The following SEC14L5 variants were observed in gnomAD, a reference collection of about 807,000 sequenced individuals.
SEC14L5 encodes the protein SEC14-like protein 5.
Under a neutral mutation model 84.6 loss-of-function variants are expected in SEC14L5, and 96 were observed. That is an observed-to-expected ratio of 1.13 (90% CI 0.96 to 1.34). The LOEUF (loss-of-function observed/expected upper bound fraction) is 1.34, where lower values mean the gene tolerates loss of function less well. SEC14L5 is among the 40% of genes most tolerant of loss of function. The pLI is 0.00. For missense variants in SEC14L5, 1,224 were observed against 942.5 expected, an observed-to-expected ratio of 1.30 and a Z score of -3.91; for synonymous variants, 546 against 383.4, an observed-to-expected ratio of 1.42 and a Z score of -4.95.
chr16:4,980,716 G>A (rs1036108191), intron 2 of SEC14L5, among the ~76,000 whole-genome samples: 2 of 152,130 alleles, frequency 1.3e-5, no homozygotes, highest in Non-Finnish European at 2.9e-5. Context: ...GAAATAAAAT[G>A]GTAAAAGGAA....
At chr16:5,005,601 C>G (rs1328505868) in intron 11 of SEC14L5, among the ~76,000 whole-genome samples, 1 of 152,006 alleles carries the variant, frequency 6.6e-6, no homozygotes, top group Non-Finnish European at 1.5e-5. Flanking sequence ...GTGGCTCACA[C>G]CTGTAATCCC....
chr16:4,994,988 T>C (rs895955147), intron 6 of SEC14L5, among the ~76,000 whole-genome samples: 1 of 152,128 alleles, frequency 6.6e-6, no homozygotes, highest in African/African-American at 2.4e-5. Flanking sequence ...CCTCACTCCC[T>C]CCCTGATTCC....
rs183075433 is a variant in SEC14L5, at chr16:5,015,178, C to T, written c.*208C>T. The T allele has an allele frequency of 1.7e-6, 1 of 573,450 alleles. No homozygotes were observed. The highest frequency in any genetic ancestry group is 1.9e-5 in the African/African-American group (1 of 53,508). 35.5% of individuals were successfully genotyped at this position (573,450 alleles called of 1,614,324 possible). Reference sequence around the variant, plus strand: ...GGCTCTTGAAATTGCAAGGACAGAACCATCTCCTTCCGGCTTCGTGTAAGG... The same window carrying T: ...GGCTCTTGAAATTGCAAGGACAGAATCATCTCCTTCCGGCTTCGTGTAAGG... On this transcript the variant is annotated 3_prime_UTR_variant, in exon 16 of 16. Coordinates refer to ENST00000251170, the MANE Select transcript of SEC14L5 (RefSeq NM_014692.2).
intron 13 of SEC14L5, among the ~76,000 whole-genome samples, 176 bp downstream of exon 13, chr16:5,007,662 G>C (rs1420777150): frequency 6.8e-6 from 1 of 146,552 alleles, no homozygotes; most frequent in Non-Finnish European, 1.5e-5. Context: ...CTGGAGTGCA[G>C]TGGTGCAATC....
chr16:4,998,737 C>CAAAAA (rs60494025), intron 8 of SEC14L5, among the ~76,000 whole-genome samples: 12 of 94,040 alleles, frequency 1.3e-4, no homozygotes, highest in African/African-American at 3.9e-4. Flanking sequence ...GACTCCGTCT[C>CAAAAA]AAAAAAAAAA....
At chr16:4,991,799 G>C in intron 5 of SEC14L5, 39 bp from the exon 6 acceptor site, 1 of 1,463,996 alleles carries the variant, frequency 6.8e-7, no homozygotes, top group Non-Finnish European at 9.3e-7. Context: ...CCTCCATCCT[G>C]CCCCGTGCTC....
chr16:5,005,878 A>AAAAC, intron 11 of SEC14L5, 36 bp from the exon 12 acceptor site: 4 of 1,509,050 alleles, frequency 2.7e-6, no homozygotes, highest in South Asian at 1.3e-5. Context: ...AAAAAAAAAA[A>AAAAC]AAAACCATCC....
At chr16:4,993,094 A>G (rs1955569498) in intron 6 of SEC14L5, among the ~76,000 whole-genome samples, 1 of 152,082 alleles carries the variant, frequency 6.6e-6, no homozygotes, top group Non-Finnish European at 1.5e-5. Flanking sequence ...CCAGCTTGGT[A>G]TGCAGTGGTG....
intron 2 of SEC14L5, among the ~76,000 whole-genome samples, chr16:4,973,313 G>A (rs922060091): frequency 1.3e-5 from 2 of 152,236 alleles, no homozygotes; most frequent in African/African-American, 4.8e-5. Context: ...GTCCCGGGCT[G>A]GCTTTGCTGG....
intron 10 of SEC14L5, among the ~76,000 whole-genome samples, chr16:5,002,977 C>G (rs1955693024): frequency 6.6e-6 from 1 of 152,214 alleles, no homozygotes; most frequent in African/African-American, 2.4e-5. Flanking sequence ...AAATAACTCC[C>G]ACACGCTTAG....
At chr16:4,992,866 A>G (rs1437332579) in intron 6 of SEC14L5, among the ~76,000 whole-genome samples, 1 of 152,234 alleles carries the variant, frequency 6.6e-6, no homozygotes, top group Non-Finnish European at 1.5e-5. Flanking sequence ...ATGTGTGTAC[A>G]TGCATACATA....
chr16:4,988,867 C>A (rs1007495005), intron 4 of SEC14L5, among the ~76,000 whole-genome samples: 1 of 152,264 alleles, frequency 6.6e-6, no homozygotes, highest in Admixed American at 6.5e-5. Context: ...GGCTGCCTGA[C>A]CACTGCCCTC....
At chr16:5,008,689 A>T in intron 14 of SEC14L5, 41 bp downstream of exon 14, 1 of 1,546,364 alleles carries the variant, frequency 6.5e-7, no homozygotes, top group Non-Finnish European at 8.9e-7. Context: ...ACCAAGCAGC[A>T]CTGAGTGTCC....
chr16:4,990,688 A>G, intron 4 of SEC14L5, 79 bp from the exon 5 acceptor site: 2 of 1,408,210 alleles, frequency 1.4e-6, no homozygotes, highest in South Asian at 1.5e-5. Flanking sequence ...GCCTGGGCCC[A>G]GGTCAGTGGG....
rs565034455 is a variant in SEC14L5, at chr16:4,964,317, G to A, written c.63+4931G>A. Among the ~76,000 whole-genome samples, 6 of 152,176 alleles carry A rather than the reference G, an allele frequency of 3.9e-5. No homozygotes were observed. The South Asian group carries it at 1.0e-3, about 26-fold the overall frequency. ...GTGGTAAAGAACCAGGGCCGGGCAT[G>A]GTGGCTCACACCTGTAATCCCAGCA... On this transcript the variant is annotated intron_variant, in intron 2 of 15. Transcript: ENST00000251170.
chr16:4,998,734 T>G (rs1329704976), intron 8 of SEC14L5, among the ~76,000 whole-genome samples: 1 of 56,912 alleles, frequency 1.8e-5, no homozygotes, highest in African/African-American at 8.6e-5. Context: ...CGAGACTCCG[T>G]CTCAAAAAAA....
intron 2 of SEC14L5, among the ~76,000 whole-genome samples, chr16:4,967,612 G>A (rs113632755): frequency 5.1e-4 from 58 of 114,498 alleles, no homozygotes; most frequent in African/African-American, 1.9e-3. Context: ...TTGCTCTGTC[G>A]CCCAGACTAG....
At chr16:5,008,861 G>A (rs751717193) in intron 14 of SEC14L5, among the ~76,000 whole-genome samples, 2 of 152,190 alleles carry the variant, frequency 1.3e-5, no homozygotes, top group South Asian at 4.1e-4. Flanking sequence ...GAGAAAGCAC[G>A]GGGTGCTCTG....
intron 2 of SEC14L5, among the ~76,000 whole-genome samples, chr16:4,971,381 G>C (rs9888880): frequency 0.42 from 63,713 of 151,432 alleles, 13,979 homozygotes; most frequent in Non-Finnish European, 0.49. Context: ...ATCAGTGGAG[G>C]CCAGGAGGTC....
Sources: gnomAD v4.1 joint callset for allele counts (sites outside exome capture counted in the v4.1 genomes callset) on GRCh38, gnomAD v4.1.1 for gene constraint, MANE v1.5 for transcripts, NCBI Gene and HGNC (gene_info 2026-07-23, HGNC 2026-07-21) for gene names.